CSMD1: variants seen among roughly 807,000 people sequenced by gnomAD.
CSMD1 encodes the protein CUB and sushi domain-containing protein 1.
In CSMD1, 213 loss-of-function variants were observed where a neutral mutation model predicts 417.5. The observed-to-expected ratio is 0.51, with a 90% CI of 0.46 to 0.57. CSMD1 has a LOEUF of 0.57. CSMD1 is among the 20% of genes least tolerant of loss of function. The pLI, the probability that CSMD1 is intolerant of heterozygous loss-of-function variation, is 0.00. For missense variants in CSMD1, 6,923 were observed against 4,529.7 expected (o/e 1.53, Z -15.17); for synonymous variants, 2,862 against 1,736.8 (o/e 1.65, Z -16.11).
rs374691718 is a variant in CSMD1 at position 3,124,140 on chromosome 8, G to T, written c.6242-5553C>A. ...GCAACAAAACAATTATCCTGTGTGC[G>T]TGTGGGGAGGGGGGAGCAGATTAGC... On this transcript the variant is annotated intron_variant, in intron 41 of 69. Coordinates refer to ENST00000635120, the MANE Select transcript of CSMD1 (RefSeq NM_033225.6). Among the ~76,000 whole-genome samples, 5 of 152,208 alleles carry T rather than the reference G, an allele frequency of 3.3e-5. No homozygotes were observed. The East Asian group carries it at 9.7e-4, about 29-fold the overall frequency.
chr8:3,226,009 AT>A (rs1798480871), intron 27 of CSMD1, among the ~76,000 whole-genome samples: 1 of 152,220 alleles, frequency 6.6e-6, no homozygotes, highest in Non-Finnish European at 1.5e-5. Context: ...GCACACATAC[AT>A]ACGTAGCAGC....
At position 3,997,843 on chromosome 8, in the gene CSMD1, G is replaced by C. The variant is rs991644840; in HGVS notation, c.818+60C>G. ...AGACAAGCAATTCTTGAAGCTCGTT[G>C]GGGGAAAAAACGGGGAAAACACACC... On this transcript the variant is annotated intron_variant, in intron 5 of 69. Transcript: ENST00000635120. The C allele has an allele frequency of 1.3e-5, 19 of 1,407,740 alleles. No homozygotes were observed. In the Admixed American group the frequency reaches 3.6e-4, roughly 27 times the overall value. The allele number at this position is 1,407,740 out of a possible 1,614,324, so 87.2% of individuals were successfully genotyped here.
chr8:4,276,409 G>C (rs1397380619), intron 3 of CSMD1, among the ~76,000 whole-genome samples: 1 of 152,100 alleles, frequency 6.6e-6, no homozygotes, highest in African/African-American at 2.4e-5. Flanking sequence ...TCACTCATAA[G>C]TGGGAGTTGA....
chr8:2,981,349 A>G (rs534660232), intron 54 of CSMD1, among the ~76,000 whole-genome samples: 1 of 152,184 alleles, frequency 6.6e-6, no homozygotes, highest in African/African-American at 2.4e-5. Flanking sequence ...CAGGTGAGCT[A>G]TTGGTTTGTA....
chr8:3,172,316 G>A (rs1236385461), intron 37 of CSMD1, among the ~76,000 whole-genome samples: 1 of 151,864 alleles, frequency 6.6e-6, no homozygotes, highest in East Asian at 1.9e-4. Context: ...TTGATATTTT[G>A]CTTTGGCTAC....
chr8:3,601,318 C>G lies in CSMD1; in HGVS notation c.1098-15058G>C, dbSNP rs574552939. Among the ~76,000 whole-genome samples, 4 of 152,332 alleles carry G rather than the reference C, an allele frequency of 2.6e-5. No homozygotes were observed. In the East Asian group the frequency reaches 7.7e-4, roughly 29 times the overall value. On this transcript the variant is annotated intron_variant, in intron 8 of 69. Coordinates refer to ENST00000635120, the MANE Select transcript of CSMD1 (RefSeq NM_033225.6). Reference sequence around the variant, plus strand: ...TCAGCTGTCCTTATTCTTCCAGCTTCTGCAGACATATAGGAGCTGTAGAAG... The same window carrying G: ...TCAGCTGTCCTTATTCTTCCAGCTTGTGCAGACATATAGGAGCTGTAGAAG...
chr8:3,330,885 G>A (rs540303534), intron 23 of CSMD1, among the ~76,000 whole-genome samples: 1 of 152,248 alleles, frequency 6.6e-6, no homozygotes, highest in African/African-American at 2.4e-5. Context: ...TTTACCTCAT[G>A]AAAATGCTAA....
intron 11 of CSMD1, among the ~76,000 whole-genome samples, chr8:3,491,802 T>A (rs917053032): frequency 1.7e-4 from 26 of 152,178 alleles, no homozygotes; most frequent in African/African-American, 5.5e-4. Flanking sequence ...GGGGCAAGAT[T>A]CCTCACAAAT....
At chr8:3,251,429 G>A (rs1399150222) in intron 26 of CSMD1, among the ~76,000 whole-genome samples, 2 of 152,152 alleles carry the variant, frequency 1.3e-5, no homozygotes, top group African/African-American at 4.8e-5. Flanking sequence ...CTATATCTCT[G>A]TTTTGGTACC....
chr8:4,105,637 G>A (rs1402369381), intron 3 of CSMD1, among the ~76,000 whole-genome samples: 1 of 152,208 alleles, frequency 6.6e-6, no homozygotes, highest in Non-Finnish European at 1.5e-5. Flanking sequence ...GGGGATTGGA[G>A]TAGCAGGTGG....
intron 1 of CSMD1, among the ~76,000 whole-genome samples, chr8:4,894,626 A>C (rs1245412906): frequency 6.6e-6 from 1 of 151,758 alleles, no homozygotes; most frequent in Non-Finnish European, 1.5e-5. Context: ...ACCCATTATC[A>C]TTTATCTGCA....
At chr8:3,620,164 T>A (rs915816302) in intron 7 of CSMD1, among the ~76,000 whole-genome samples, 2 of 151,846 alleles carry the variant, frequency 1.3e-5, no homozygotes, top group African/African-American at 4.8e-5. Flanking sequence ...GCTGAAAAAA[T>A]GTCAGCTGAA....
At chr8:4,842,008 G>C (rs1237306) in intron 1 of CSMD1, among the ~76,000 whole-genome samples, 1 of 147,406 alleles carries the variant, frequency 6.8e-6, no homozygotes, top group African/African-American at 2.5e-5. Flanking sequence ...GGAAACCCTA[G>C]AAAAAAGCAA....
At chr8:3,149,427 G>GTTT (rs1463352905) in intron 40 of CSMD1, among the ~76,000 whole-genome samples, 1 of 152,074 alleles carries the variant, frequency 6.6e-6, no homozygotes, top group African/African-American at 2.4e-5. Context: ...TGTTGTTGTT[G>GTTT]TTTATCACGT....
chr8:3,356,701 AC>A (rs71530620), intron 21 of CSMD1, among the ~76,000 whole-genome samples: 20,969 of 152,062 alleles, frequency 0.14, 1,668 homozygotes, highest in East Asian at 0.22. Context: ...CAACAAAAAA[AC>A]GTAATGGCAA....
intron 23 of CSMD1, among the ~76,000 whole-genome samples, chr8:3,326,118 G>A (rs11775610): frequency 0.13 from 20,278 of 152,100 alleles, 1,735 homozygotes; most frequent in African/African-American, 0.25. Flanking sequence ...TCTTCCCACA[G>A]AATCCAAGCA....
intron 1 of CSMD1, among the ~76,000 whole-genome samples, chr8:4,847,843 A>C (rs913725939): frequency 2.6e-5 from 4 of 151,292 alleles, no homozygotes; most frequent in Non-Finnish European, 5.9e-5. Flanking sequence ...TAAAGTATAA[A>C]TTTCAGTGTT....
intron 20 of CSMD1, among the ~76,000 whole-genome samples, chr8:3,364,230 CAAATG>C (rs1809399801): frequency 6.6e-6 from 1 of 151,904 alleles, no homozygotes; most frequent in Non-Finnish European, 1.5e-5. Flanking sequence ...AAAATCCTAC[CAAATG>C]AAATTACTCC....
At chr8:4,374,704 T>A (rs550876125) in intron 3 of CSMD1, among the ~76,000 whole-genome samples, 1 of 152,234 alleles carries the variant, frequency 6.6e-6, no homozygotes, top group Non-Finnish European at 1.5e-5. Context: ...AATAAGCAGC[T>A]GCATCCGTGT....
Sources: gnomAD v4.1 joint callset for allele counts (sites outside exome capture counted in the v4.1 genomes callset) on GRCh38, gnomAD v4.1.1 for gene constraint, MANE v1.5 for transcripts, NCBI Gene and HGNC (gene_info 2026-07-23, HGNC 2026-07-21) for gene names.